Variants in PRDM16 observed in about 807,000 individuals in gnomAD.
The protein encoded by PRDM16 is histone-lysine N-methyltransferase PRDM16.
In PRDM16, 23 loss-of-function variants were observed where a neutral mutation model predicts 110.6. The observed-to-expected ratio is 0.21, with a 90% CI of 0.15 to 0.29. PRDM16 has a LOEUF of 0.29. PRDM16 is among the 10% of genes least tolerant of loss of function. The pLI is 1.00. For synonymous variants in PRDM16, 799 were observed against 781.8 expected (o/e 1.02, Z -0.37); for missense variants, 1,615 against 1,794.3 (o/e 0.90, Z 1.81).
intron 3 of PRDM16, among the ~76,000 whole-genome samples, chr1:3,348,675 A>T (rs1642413586): frequency 6.6e-6 from 1 of 152,256 alleles, no homozygotes; most frequent in Non-Finnish European, 1.5e-5. Context: ...GGTGCCACCA[A>T]GCCCTGTCCC....
intron 2 of PRDM16, among the ~76,000 whole-genome samples, chr1:3,215,081 G>A (rs750356075): frequency 2.4e-4 from 37 of 152,158 alleles, no homozygotes; most frequent in Non-Finnish European, 4.4e-4. Context: ...CATCATCAAA[G>A]ACACCATCCC....
At chr1:3,104,159 C>A in intron 1 of PRDM16, among the ~76,000 whole-genome samples, 1 of 152,234 alleles carries the variant, frequency 6.6e-6, no homozygotes, top group East Asian at 1.9e-4. Context: ...ATGAGAACAG[C>A]ATGGCTCAGG....
intron 3 of PRDM16, among the ~76,000 whole-genome samples, chr1:3,298,977 G>A (rs1192634618): frequency 6.6e-6 from 1 of 152,218 alleles, no homozygotes; most frequent in Non-Finnish European, 1.5e-5. Context: ...GGATGTGAAG[G>A]GTCTGACCTA....
At chr1:3,184,937 G>A (rs1365586020) in intron 1 of PRDM16, among the ~76,000 whole-genome samples, 3 of 152,280 alleles carry the variant, frequency 2.0e-5, no homozygotes, top group East Asian at 1.9e-4. Flanking sequence ...GGCTTCCTAC[G>A]CCGAGTGCCG....
intron 1 of PRDM16, among the ~76,000 whole-genome samples, chr1:3,098,314 C>T (rs1370083576): frequency 6.6e-6 from 1 of 152,326 alleles, no homozygotes; most frequent in East Asian, 1.9e-4. Flanking sequence ...CTCCCTGCTC[C>T]CTGCTCCTGG....
intron 3 of PRDM16, among the ~76,000 whole-genome samples, chr1:3,310,547 G>A (rs973780959): frequency 1.3e-5 from 2 of 152,112 alleles, no homozygotes; most frequent in Non-Finnish European, 2.9e-5. Context: ...GCTCCCCAGG[G>A]ACACAGCATC....
chr1:3,399,021 C>T (rs1254000426), intron 5 of PRDM16, among the ~76,000 whole-genome samples: 2 of 152,186 alleles, frequency 1.3e-5, no homozygotes, highest in Non-Finnish European at 2.9e-5. Flanking sequence ...GAATGCGAGG[C>T]CCATTTTCAC....
intron 3 of PRDM16, among the ~76,000 whole-genome samples, chr1:3,376,108 A>G (rs1264632148): frequency 6.6e-6 from 1 of 151,940 alleles, no homozygotes; most frequent in African/African-American, 2.4e-5. Flanking sequence ...GGGGGAGATG[A>G]TCTGTGAGCC....
In PRDM16 at chr1:3,326,451, G is replaced by A. The variant is rs78855653; in HGVS notation, c.439-58701G>A. On this transcript the variant is annotated intron_variant, in intron 3 of 16. Coordinates refer to ENST00000270722, the MANE Select transcript of PRDM16 (RefSeq NM_022114.4). ...AGGAGCATGATTCAGCTTGCTGCAG[G>A]GGCCATGGTCAGCCCTAGGAAGGGC... Among the ~76,000 whole-genome samples the A allele has an allele frequency of 4.6e-3, 703 of 152,304 alleles. 13 individuals are homozygous for A. Among genetic ancestry groups the A allele is most frequent in the African/African-American group, 0.016 (676 of 41,568 alleles).
At position 3,425,929 on chromosome 1, in the gene PRDM16, G is replaced by A. The variant is rs1638590509; in HGVS notation, c.3110-122G>A. ...ATTAAAGAGAACCTCGTGCTCTCCG[G>A]TGTCCCTAAGAAACCTGCCTCCCTA... On this transcript the variant is annotated intron_variant, in intron 13 of 16. Coordinates refer to ENST00000270722, the MANE Select transcript of PRDM16 (RefSeq NM_022114.4). This position sits in a 1 kb window ranked among gnomAD's most constrained non-coding sequence, Gnocchi z 6.9. 6.2e-6 allele frequency: 8 copies of A among 1,280,460 alleles called. No homozygotes were observed. The highest frequency in any genetic ancestry group is 1.5e-5 in the African/African-American group (1 of 66,924). 79.3% of individuals were successfully genotyped at this position (1,280,460 alleles called of 1,614,324 possible).
chr1:3,306,128 AG>A (rs1641307507), intron 3 of PRDM16, among the ~76,000 whole-genome samples: 1 of 152,190 alleles, frequency 6.6e-6, no homozygotes, highest in Admixed American at 6.5e-5. Flanking sequence ...ATCACAAGCA[AG>A]GGGGAAGTAC....
At chr1:3,267,267 C>T (rs1640316908) in intron 3 of PRDM16, among the ~76,000 whole-genome samples, 2 of 152,194 alleles carry the variant, frequency 1.3e-5, no homozygotes, top group Admixed American at 6.5e-5. Context: ...AGTCATGCAG[C>T]GTGTGGCTCT....
intron 1 of PRDM16, among the ~76,000 whole-genome samples, chr1:3,163,898 C>T (rs1260146133): frequency 2.0e-5 from 3 of 152,222 alleles, no homozygotes; most frequent in South Asian, 2.1e-4. Context: ...AAATAATGGC[C>T]GCTGGGACTG....
chr1:3,178,145 G>A (rs1462792325), intron 1 of PRDM16, among the ~76,000 whole-genome samples: 4 of 152,196 alleles, frequency 2.6e-5, no homozygotes, highest in South Asian at 2.1e-4. Flanking sequence ...TATTAGGGAC[G>A]ATGAGGAGCA....
At chr1:3,270,980 T>C (rs1157569160) in intron 3 of PRDM16, among the ~76,000 whole-genome samples, 1 of 152,136 alleles carries the variant, frequency 6.6e-6, no homozygotes, top group African/African-American at 2.4e-5. Flanking sequence ...AGGAGGACAG[T>C]GTGGGCCCTG....
chr1:3,152,695 C>T (rs1443724772), intron 1 of PRDM16, among the ~76,000 whole-genome samples: 1 of 152,212 alleles, frequency 6.6e-6, no homozygotes, highest in African/African-American at 2.4e-5. Context: ...TGCCGTCCGT[C>T]GTCCATCTGG....
intron 2 of PRDM16, among the ~76,000 whole-genome samples, chr1:3,219,817 G>A (rs1639112958): frequency 6.6e-6 from 1 of 152,122 alleles, no homozygotes; most frequent in African/African-American, 2.4e-5. Context: ...TACCTCACGG[G>A]CGCTGTCTCC....
chr1:3,296,482 G>A (rs1291583284), intron 3 of PRDM16, among the ~76,000 whole-genome samples: 1 of 152,248 alleles, frequency 6.6e-6, no homozygotes, highest in Non-Finnish European at 1.5e-5. Context: ...AGTGGAGGAG[G>A]CGAGAGGCTC....
intron 2 of PRDM16, among the ~76,000 whole-genome samples, chr1:3,187,885 C>T (rs1644289009): frequency 6.6e-6 from 1 of 152,156 alleles, no homozygotes; most frequent in Non-Finnish European, 1.5e-5. Flanking sequence ...AGTCTGCGGC[C>T]GTCAAGCAGG....
Sources: allele counts gnomAD v4.1 joint callset (sites outside exome capture counted in the v4.1 genomes callset), GRCh38; gene constraint gnomAD v4.1.1; non-coding constraint Gnocchi (gnomAD v3.1); transcripts MANE v1.5; gene names NCBI Gene and HGNC (gene_info 2026-07-23, HGNC 2026-07-21).